The following NAP1L4 variants were observed in gnomAD, a reference collection of about 807,000 sequenced individuals.
NAP1L4 encodes nucleosome assembly protein 1-like 4.
Under a neutral mutation model 58.2 loss-of-function variants are expected in NAP1L4, and 15 were observed. That is an observed-to-expected ratio of 0.26 (90% CI 0.17 to 0.40). The LOEUF (loss-of-function observed/expected upper bound fraction) is 0.40, where lower values mean the gene tolerates loss of function less well. Ranked by LOEUF, NAP1L4 falls within the 10% of genes least tolerant of loss-of-function variation. The probability of loss-of-function intolerance (pLI) is 1.00; values close to 1 mark genes in which losing one functional copy is unlikely to be tolerated. For missense variants in NAP1L4, 384 were observed against 451.1 expected (o/e 0.85, Z 1.35); for synonymous variants, 171 against 155.6 (o/e 1.10, Z -0.74).
At position 2,958,539 on chromosome 11, in the gene NAP1L4, G is replaced by T; in HGVS notation, c.752C>A (p.Thr251Asn). The change falls in exon 10 of 16, where the codon ACT becomes AAT. Residue 251 changes from threonine (T) to asparagine (N), a missense_variant. Thr to Asn is a moderately conservative substitution (Grantham distance 65). Transcript: ENST00000380542. ...ATTCTTTCCTTTCTTCCAGTCAATA[G>T]TACACCTACCAGGACAAGACAGCTG... is the stretch of plus-strand genomic sequence containing the variant. ...GPEIVDCDGC[T>N]IDWKKGKNVT... The T allele has an allele frequency of 6.2e-7, 1 of 1,613,492 alleles. No individual in the cohort carries two copies. Among genetic ancestry groups the T allele is most frequent in the Non-Finnish European group, 8.5e-7 (1 of 1,179,836 alleles).
chr11:2,986,826 C>T (rs1448927535), intron 1 of NAP1L4, among the ~76,000 whole-genome samples: 1 of 151,522 alleles, frequency 6.6e-6, no homozygotes, highest in Non-Finnish European at 1.5e-5. Flanking sequence ...CAGGGTTTCA[C>T]CATGTTGGCC....
intron 9 of NAP1L4, chr11:2,958,859 C>A (rs1846701859): frequency 3.3e-6 from 1 of 305,718 alleles, no homozygotes; most frequent in Non-Finnish European, 6.1e-6. Context: ...GCATGATGCA[C>A]AAGAACTTGT....
At chr11:2,982,637 T>C (rs1408250758) in intron 1 of NAP1L4, among the ~76,000 whole-genome samples, 4 of 152,200 alleles carry the variant, frequency 2.6e-5, no homozygotes, top group South Asian at 2.1e-4. Context: ...TAGTAAAACA[T>C]GCATTCGTGT....
At chr11:2,969,674 C>A in intron 7 of NAP1L4, 129 bp downstream of exon 7, 1 of 978,096 alleles carries the variant, frequency 1.0e-6, no homozygotes, top group Non-Finnish European at 1.4e-6. Flanking sequence ...AGGTCCTGGT[C>A]AGAGAAAGTG....
At chr11:2,979,101 C>A in intron 2 of NAP1L4, 106 bp downstream of exon 2, 4 of 1,198,726 alleles carry the variant, frequency 3.3e-6, no homozygotes, top group Non-Finnish European at 4.8e-6. Context: ...CAGCTAGACG[C>A]TGAAATGCAT....
chr11:2,985,869 C>T (rs116919761), intron 1 of NAP1L4, among the ~76,000 whole-genome samples: 397 of 152,056 alleles, frequency 2.6e-3, no homozygotes, highest in Non-Finnish European at 4.1e-3. Context: ...TTAATTGGGT[C>T]GAGGAAAAAT....
In NAP1L4 at chr11:2,945,114, T is replaced by C. The variant is rs1322146401; in HGVS notation, c.*565A>G. 1 of 153,234 alleles carries C rather than the reference T, an allele frequency of 6.5e-6. No homozygotes were observed. Among genetic ancestry groups the C allele is most frequent in the Non-Finnish European group, 1.4e-5 (1 of 69,230 alleles). The allele number at this position is 153,234 out of a possible 1,614,324, so 9.5% of individuals were successfully genotyped here. On this transcript the variant is annotated 3_prime_UTR_variant, in exon 16 of 16. Coordinates refer to ENST00000380542, the MANE Select transcript of NAP1L4 (RefSeq NM_005969.4). ...GGGCCCTACTCTACACAGCCCTTTCTGAGATGATCGGCATACAGCAGGTGA... is the reference window on the plus strand; with the variant it reads ...GGGCCCTACTCTACACAGCCCTTTCCGAGATGATCGGCATACAGCAGGTGA...
In NAP1L4 at chr11:2,954,433, A is replaced by T; in HGVS notation, c.1035+94T>A. The T allele has an allele frequency of 1.3e-6, 2 of 1,554,130 alleles. No individual in the cohort carries two copies. Among genetic ancestry groups the T allele is most frequent in the Non-Finnish European group, 8.9e-7 (1 of 1,127,428 alleles). The stretch of plus-strand genomic sequence containing the variant: ...TGGCTGATGATGTAATAAAAAGATT[A>T]GGCATGGGGGTTTCCTAAGCCACAA... On this transcript the variant is annotated intron_variant, in intron 12 of 15. Transcript: ENST00000380542. This position sits in a 1 kb window ranked among gnomAD's most constrained non-coding sequence, Gnocchi z 4.8.
chr11:2,972,233 C>T lies in NAP1L4; in HGVS notation c.184G>A (p.Ala62Thr), dbSNP rs375624094. The T allele has an allele frequency of 7.5e-6, 12 of 1,604,724 alleles. No homozygotes were observed. The highest frequency in any genetic ancestry group is 1.0e-5 in the Non-Finnish European group (12 of 1,177,328). Reference protein sequence around the residue: ...PSSYIETLPKAVKRRINALKQ... With the variant: ...PSSYIETLPKTVKRRINALKQ... ...AATGCATTAATTCTTCTTTTTACTG[C>T]TTTAGGTAAACTAAAAAAGGGAGTA... The change falls in exon 5 of 16, where the codon GCA (alanine) becomes ACA (threonine). Residue 62 changes from alanine (A) to threonine (T), a missense_variant. Around this residue, in one of 3 missense-constraint regions of NAP1L4, gnomAD observed 84 missense variants for 73.7 expected, o/e 1.14. Transcript: ENST00000380542.
At chr11:2,989,634 A>G (rs1378436373) in intron 1 of NAP1L4, among the ~76,000 whole-genome samples, 1 of 152,214 alleles carries the variant, frequency 6.6e-6, no homozygotes, top group Non-Finnish European at 1.5e-5. Flanking sequence ...GAGACTATCA[A>G]CTGCTCAAAA....
At chr11:2,975,986 C>A in intron 4 of NAP1L4, 38 bp downstream of exon 4, 1 of 1,535,052 alleles carries the variant, frequency 6.5e-7, no homozygotes, top group Non-Finnish European at 8.9e-7. Context: ...CCTTTTGTTT[C>A]TCCAAATTGC....
At chr11:2,958,321 T>C in intron 10 of NAP1L4, 78 bp downstream of exon 10, 1 of 1,440,076 alleles carries the variant, frequency 6.9e-7, no homozygotes, top group Non-Finnish European at 9.7e-7. Context: ...CTAAAGTCTC[T>C]GGGTGTTAGG....
At chr11:2,947,447 G>A (rs1227861671) in intron 15 of NAP1L4, among the ~76,000 whole-genome samples, 1 of 152,190 alleles carries the variant, frequency 6.6e-6, no homozygotes, top group Admixed American at 6.5e-5. Context: ...TGCCTCCCCC[G>A]TGCCTTGAGG....
Position 2,948,762 on chromosome 11 carries a change from A to G in NAP1L4, c.*32+465T>C, listed in dbSNP as rs1017122667. 6.6e-6 allele frequency among the ~76,000 whole-genome samples: 1 copy of G among 152,250 alleles called. No individual in the cohort carries two copies. The highest frequency in any genetic ancestry group is 1.5e-5 in the Non-Finnish European group (1 of 68,042). On this transcript the variant is annotated intron_variant, in intron 15 of 15. Transcript: ENST00000380542. This position sits in a 1 kb window ranked among gnomAD's most constrained non-coding sequence, Gnocchi z 5.1. ...CTCTGTGTACCTATTGGTCTGCACA[A>G]AACATGAATTCAAAAAGTATAGATA...
At chr11:2,960,471 C>T (rs1002484608) in intron 8 of NAP1L4, among the ~76,000 whole-genome samples, 4 of 152,176 alleles carry the variant, frequency 2.6e-5, no homozygotes, top group African/African-American at 7.2e-5. Flanking sequence ...CTGGAAGAGA[C>T]GTGAGCACAC....
rs903562860 is a variant in NAP1L4 at position 2,949,294 on chromosome 11, G to A, written c.1123-30C>T. On this transcript the variant is annotated intron_variant, in intron 14 of 15. Coordinates refer to ENST00000380542, the MANE Select transcript of NAP1L4 (RefSeq NM_005969.4). This position sits in a 1 kb window ranked among gnomAD's most constrained non-coding sequence, Gnocchi z 4.0. ...ATGGGGAAAAAAATTGAAAGGAACT[G>A]TCAGCATGAAAGAAAATGAAATGCA... The A allele has an allele frequency of 6.4e-7, 1 of 1,562,076 alleles. No individual in the cohort carries two copies.
Position 2,974,312 on chromosome 11 carries a change from C to T in NAP1L4, c.173+1712G>A, listed in dbSNP as rs71476698. Among the ~76,000 whole-genome samples the T allele has an allele frequency of 7.8e-3, 1,187 of 152,246 alleles. 4 individuals are homozygous for T. The highest frequency in any genetic ancestry group is 0.011 in the Non-Finnish European group (774 of 68,004). On this transcript the variant is annotated intron_variant, in intron 4 of 15. Coordinates refer to ENST00000380542, the MANE Select transcript of NAP1L4 (RefSeq NM_005969.4). ...ACAGTCCTTCAATCATTCACACCAA[C>T]TACACCCAGCCCTCTGCCGGCACTT...
At chr11:2,973,531 T>C (rs1385219724) in intron 4 of NAP1L4, among the ~76,000 whole-genome samples, 1 of 152,066 alleles carries the variant, frequency 6.6e-6, no homozygotes, top group Non-Finnish European at 1.5e-5. Flanking sequence ...CACACACATA[T>C]CACTGGTCTG....
At chr11:2,967,084 G>A (rs1482334041) in intron 7 of NAP1L4, among the ~76,000 whole-genome samples, 2 of 152,182 alleles carry the variant, frequency 1.3e-5, no homozygotes, top group African/African-American at 4.8e-5. Context: ...GGGACTCAGA[G>A]TTAATCCGCC....
Sources: allele counts gnomAD v4.1 joint callset (sites outside exome capture counted in the v4.1 genomes callset), GRCh38; gene constraint gnomAD v4.1.1; regional missense constraint gnomAD v4.1.1; non-coding constraint Gnocchi (gnomAD v3.1); transcripts MANE v1.5; gene names NCBI Gene and HGNC (gene_info 2026-07-23, HGNC 2026-07-21).